Variants in CHODL observed in about 807,000 individuals in gnomAD.
CHODL encodes the protein transmembrane protein MT75.
In CHODL, 29 loss-of-function variants were observed where a neutral mutation model predicts 34.5. That is an observed-to-expected ratio of 0.84 (90% CI 0.63 to 1.15). The LOEUF is 1.15. Among genes scored for constraint, CHODL ranks in the 50% most tolerant of loss-of-function variants. The probability of loss-of-function intolerance (pLI) is 0.00; values close to 1 mark genes in which losing one functional copy is unlikely to be tolerated. For synonymous variants in CHODL, 125 were observed against 116.1 expected (o/e 1.08, Z -0.49); for missense variants, 332 against 332.5 (o/e 1.00, Z 0.01).
rs1212894827 is a variant in CHODL at position 18,013,635 on chromosome 21, C to CTTTTTTTTTTTTT, written c.-144-14232_-144-14220dup. 9.9e-3 allele frequency among the ~76,000 whole-genome samples: 713 copies of CTTTTTTTTTTTTT among 71,858 alleles called. 252 individuals carry two copies. Among genetic ancestry groups the CTTTTTTTTTTTTT allele is most frequent in the African/African-American group, 0.04 (628 of 15,778 alleles). The allele number at this position is 71,858 out of a possible 152,430, so 47.1% of individuals were successfully genotyped here. On this transcript the variant is annotated intron_variant, in intron 1 of 6. Transcript: ENST00000400127. ...GATCATTGATTTTCTGCTGCTGCTGCTTTTTTTTTTTTTTTTTGAGACAGA... is the reference window on the plus strand; with the variant it reads ...GATCATTGATTTTCTGCTGCTGCTGCTTTTTTTTTTTTTTTTTTTTTTTTTTTTTTGAGACAGA...
At chr21:18,099,784 C>A (rs2065189085) in intron 2 of CHODL, 1 of 152,080 alleles carries the variant, frequency 6.6e-6, no homozygotes, top group East Asian at 1.9e-4. Context: ...GAAGTAGTTA[C>A]TTTGGATGCG....
At chr21:17,965,227 G>A (rs2063562517) in intron 1 of CHODL, among the ~76,000 whole-genome samples, 1 of 152,042 alleles carries the variant, frequency 6.6e-6, no homozygotes, top group Non-Finnish European at 1.5e-5. Flanking sequence ...CTAAAACTTA[G>A]AATGGAGAAT....
At chr21:18,248,865 G>GTA (rs2074190179) in intron 1 of CHODL, among the ~76,000 whole-genome samples, 1 of 109,302 alleles carries the variant, frequency 9.1e-6, no homozygotes, top group African/African-American at 4.7e-5. Context: ...CATTGTATAT[G>GTA]TGTATATATA....
intron 2 of CHODL, among the ~76,000 whole-genome samples, chr21:18,117,321 T>C (rs2146570814): frequency 6.6e-6 from 1 of 152,312 alleles, no homozygotes; most frequent in South Asian, 2.1e-4. Context: ...GTAAACAGTA[T>C]AATTTTCCAC....
rs1349316844 is a variant in CHODL, at chr21:18,209,153, G to C, written c.-44-47356G>C. 8.5e-5 allele frequency among the ~76,000 whole-genome samples: 13 copies of C among 152,186 alleles called. 1 individual carries two copies. The highest frequency in any genetic ancestry group is 8.5e-4 in the Admixed American group (13 of 15,284). ...TGGGCAGATCCAGAGATGCTGTCCA[G>C]GAGCCAGGGCCAAGAGTTGGAAACC... On this transcript the variant is annotated intron_variant, in intron 2 of 6. Transcript: ENST00000400127.
At chr21:18,233,799 A>G (rs1041596705) in intron 2 of CHODL, among the ~76,000 whole-genome samples, 1 of 152,162 alleles carries the variant, frequency 6.6e-6, no homozygotes, top group Non-Finnish European at 1.5e-5. Flanking sequence ...CATATCTGAA[A>G]TTTTATCATT....
chr21:17,936,862 T>C (rs974649765), intron 1 of CHODL, among the ~76,000 whole-genome samples: 1 of 151,724 alleles, frequency 6.6e-6, no homozygotes, highest in Non-Finnish European at 1.5e-5. Context: ...GATCATGAGG[T>C]CAGGAGTTTG....
intron 1 of CHODL, among the ~76,000 whole-genome samples, chr21:17,937,420 T>C (rs1293898239): frequency 6.6e-6 from 1 of 152,224 alleles, no homozygotes; most frequent in African/African-American, 2.4e-5. Flanking sequence ...TTCAGTGTCC[T>C]GGGAACAGGC....
At chr21:18,243,809 G>A (rs1245027512), upstream of CHODL, among the ~76,000 whole-genome samples, 1 of 152,180 alleles carries the variant, frequency 6.6e-6, no homozygotes, top group Non-Finnish European at 1.5e-5. Flanking sequence ...CAGTCCAACA[G>A]ATGCTTACAG....
chr21:18,182,362 T>C (rs2073392047), intron 2 of CHODL, among the ~76,000 whole-genome samples: 2 of 152,212 alleles, frequency 1.3e-5, no homozygotes, highest in South Asian at 2.1e-4. Flanking sequence ...AGGCCTGTGC[T>C]CTTTCTCCAC....
At chr21:18,214,452 C>T (rs1387796237) in intron 2 of CHODL, among the ~76,000 whole-genome samples, 3 of 152,050 alleles carry the variant, frequency 2.0e-5, no homozygotes, top group African/African-American at 7.2e-5. Flanking sequence ...TCTTCCCATA[C>T]AGTACACGCC....
At chr21:17,921,135 C>G (rs142657930) in intron 1 of CHODL, among the ~76,000 whole-genome samples, 4 of 152,272 alleles carry the variant, frequency 2.6e-5, no homozygotes, top group Non-Finnish European at 4.4e-5. Context: ...ATTATAGAGG[C>G]TGGGAAGTCC....
intron 1 of CHODL, among the ~76,000 whole-genome samples, chr21:18,002,068 C>T (rs982621220): frequency 6.6e-6 from 1 of 152,014 alleles, no homozygotes; most frequent in African/African-American, 2.4e-5. Context: ...TTTTATTCAC[C>T]TGTACTTTTG....
chr21:18,119,758 A>T (rs939788942), intron 2 of CHODL, among the ~76,000 whole-genome samples: 1 of 152,158 alleles, frequency 6.6e-6, no homozygotes, highest in Non-Finnish European at 1.5e-5. Context: ...ATAGAAATTT[A>T]TTAGCTTGTA....
At chr21:18,068,450 G>C (rs1380539465) in intron 2 of CHODL, among the ~76,000 whole-genome samples, 1 of 152,128 alleles carries the variant, frequency 6.6e-6, no homozygotes, top group Non-Finnish European at 1.5e-5. Context: ...ACCCGCCTTG[G>C]CCTCTCAAAG....
chr21:18,136,105 C>CAAAAAA (rs67552520), intron 2 of CHODL, among the ~76,000 whole-genome samples: 5 of 89,452 alleles, frequency 5.6e-5, no homozygotes, highest in African/African-American at 9.4e-5. Flanking sequence ...GATTATGTCT[C>CAAAAAA]AAAAAAAAAA....
At chr21:18,174,807 T>C (rs1279948645) in intron 2 of CHODL, among the ~76,000 whole-genome samples, 1 of 152,214 alleles carries the variant, frequency 6.6e-6, no homozygotes, top group Non-Finnish European at 1.5e-5. Context: ...TTGTGCTTTG[T>C]GGTTTTGCAG....
intron 2 of CHODL, among the ~76,000 whole-genome samples, chr21:18,090,744 A>C (rs933172007): frequency 2.0e-5 from 3 of 149,988 alleles, no homozygotes; most frequent in African/African-American, 7.3e-5. Flanking sequence ...AAAAAAAAAA[A>C]AACTAAGGCA....
chr21:18,127,282 T>C (rs2065558358), intron 2 of CHODL, among the ~76,000 whole-genome samples: 1 of 152,200 alleles, frequency 6.6e-6, no homozygotes, highest in South Asian at 2.1e-4. Flanking sequence ...TGGCTTTTAA[T>C]CACTTTAAAA....
Sources: gnomAD v4.1 joint callset for allele counts (sites outside exome capture counted in the v4.1 genomes callset) on GRCh38, gnomAD v4.1.1 for gene constraint, MANE v1.5 for transcripts, NCBI Gene and HGNC (gene_info 2026-07-23, HGNC 2026-07-21) for gene names.